Variants in KCNIP1 observed in about 807,000 individuals in gnomAD.
KCNIP1 encodes potassium voltage-gated channel interacting protein 1, also known as A-type potassium channel modulatory protein KCNIP1.
Under a neutral mutation model 33.0 loss-of-function variants are expected in KCNIP1, and 18 were observed. That is an observed-to-expected ratio of 0.55 (90% CI 0.38 to 0.81). KCNIP1 has a LOEUF of 0.81. Among genes scored for constraint, KCNIP1 ranks in the 30% least tolerant of loss-of-function variants. KCNIP1 has a pLI of 0.00. For synonymous variants in KCNIP1, 93 were observed against 98.3 expected (o/e 0.95, Z 0.32); for missense variants, 238 against 271.6 (o/e 0.88, Z 0.87).
intron 1 of KCNIP1, among the ~76,000 whole-genome samples, chr5:170,393,862 T>C (rs1417239099): frequency 6.6e-6 from 1 of 152,150 alleles, no homozygotes; most frequent in Non-Finnish European, 1.5e-5. Flanking sequence ...GTAAGCACCT[T>C]GAAAATCCTC....
chr5:170,608,563 G>A (rs956933933), intron 1 of KCNIP1, among the ~76,000 whole-genome samples: 2 of 152,162 alleles, frequency 1.3e-5, no homozygotes, highest in Admixed American at 1.3e-4. Flanking sequence ...TCTGAGGTCA[G>A]GAGTTTGAGA....
chr5:170,543,254 T>G (rs1479775482), intron 1 of KCNIP1, among the ~76,000 whole-genome samples: 1 of 152,160 alleles, frequency 6.6e-6, no homozygotes, highest in African/African-American at 2.4e-5. Flanking sequence ...TAAAAGAAAG[T>G]AGACACGGAC....
At chr5:170,490,172 T>C (rs974839676) in intron 1 of KCNIP1, among the ~76,000 whole-genome samples, 2 of 152,248 alleles carry the variant, frequency 1.3e-5, no homozygotes, top group Non-Finnish European at 2.9e-5. Context: ...TTAAACTCTC[T>C]GTTCATGCTC....
intron 1 of KCNIP1, among the ~76,000 whole-genome samples, chr5:170,455,235 T>C (rs555253373): frequency 1.4e-4 from 21 of 152,238 alleles, no homozygotes; most frequent in South Asian, 1.2e-3. Flanking sequence ...TGGATATCTA[T>C]AGAATAATCC....
At chr5:170,479,440 AT>A (rs1756926094) in intron 1 of KCNIP1, among the ~76,000 whole-genome samples, 3 of 152,228 alleles carry the variant, frequency 2.0e-5, no homozygotes, top group Non-Finnish European at 4.4e-5. Context: ...TCTTACAAGG[AT>A]AGAGAAAAGT....
At chr5:170,624,642 G>A (rs979868441) in intron 1 of KCNIP1, among the ~76,000 whole-genome samples, 3 of 151,008 alleles carry the variant, frequency 2.0e-5, no homozygotes, top group East Asian at 1.9e-4. Flanking sequence ...TCGCCTGCCC[G>A]TGAGCTCAGA....
chr5:170,688,355 A>G (rs1259348660), intron 1 of KCNIP1, among the ~76,000 whole-genome samples: 1 of 152,210 alleles, frequency 6.6e-6, no homozygotes, highest in African/African-American at 2.4e-5. Context: ...TGAAAGATTG[A>G]GCCAGAGTTG....
At chr5:170,410,060 C>T (rs963600440) in intron 1 of KCNIP1, among the ~76,000 whole-genome samples, 8 of 152,242 alleles carry the variant, frequency 5.3e-5, no homozygotes, top group African/African-American at 1.7e-4. Flanking sequence ...TTCTAAGATC[C>T]AGTGTAACTA....
At chr5:170,496,413 C>G (rs1757312160) in intron 1 of KCNIP1, among the ~76,000 whole-genome samples, 1 of 152,230 alleles carries the variant, frequency 6.6e-6, no homozygotes, top group Non-Finnish European at 1.5e-5. Flanking sequence ...TCAAGGCCAG[C>G]TCCACCATCT....
At chr5:170,584,396 C>T (rs1282988145) in intron 1 of KCNIP1, among the ~76,000 whole-genome samples, 1 of 152,070 alleles carries the variant, frequency 6.6e-6, no homozygotes, top group African/African-American at 2.4e-5. Context: ...TGTCGGGAGG[C>T]CAGGCTGGAC....
At chr5:170,634,504 G>C (rs969207518) in intron 1 of KCNIP1, among the ~76,000 whole-genome samples, 1 of 152,216 alleles carries the variant, frequency 6.6e-6, no homozygotes, top group East Asian at 1.9e-4. Context: ...TAGGCAACTG[G>C]ATGTTTGAGG....
At chr5:170,648,462 G>T (rs1419628452) in intron 1 of KCNIP1, among the ~76,000 whole-genome samples, 1 of 152,140 alleles carries the variant, frequency 6.6e-6, no homozygotes, top group African/African-American at 2.4e-5. Context: ...AAAGAAATGA[G>T]CTATCAAGCC....
At chr5:170,536,635 C>T (rs1581289800) in intron 1 of KCNIP1, among the ~76,000 whole-genome samples, 1 of 152,190 alleles carries the variant, frequency 6.6e-6, no homozygotes, top group Admixed American at 6.5e-5. Flanking sequence ...GGCTACAGTC[C>T]TCCCACTCTG....
chr5:170,670,937 T>C (rs1008457354), intron 1 of KCNIP1, among the ~76,000 whole-genome samples: 2 of 151,300 alleles, frequency 1.3e-5, no homozygotes, highest in Admixed American at 6.6e-5. Context: ...AGAGGACATC[T>C]GGAGCAGGCC....
chr5:170,378,580 G>A (rs773989505), intron 1 of KCNIP1: 60 of 1,008,752 alleles, frequency 5.9e-5, no homozygotes, highest in Middle Eastern at 2.9e-4. Context: ...AGAAGACAGC[G>A]TGGATTGGAC....
rs551311787 is a variant in KCNIP1, at chr5:170,699,469, A to G, written c.62-19289A>G. 5.3e-5 allele frequency among the ~76,000 whole-genome samples: 8 copies of G among 151,194 alleles called. No homozygotes were observed. The South Asian group carries it at 1.3e-3, about 24-fold the overall frequency. On this transcript the variant is annotated intron_variant, in intron 1 of 7. Transcript: ENST00000328939. ...TTATCACACCTCCTTTGCATGTTTA[A>G]TCTTCCCCCTTTTAATGACAACTAC...
chr5:170,500,746 G>A (rs1581246144), upstream of KCNIP1, among the ~76,000 whole-genome samples: 2 of 152,302 alleles, frequency 1.3e-5, no homozygotes, highest in East Asian at 1.9e-4. Context: ...GCGTATGTGT[G>A]TGTATTTATC....
At chr5:170,714,716 T>A (rs978288248) in intron 1 of KCNIP1, among the ~76,000 whole-genome samples, 15 of 152,098 alleles carry the variant, frequency 9.9e-5, no homozygotes, top group Non-Finnish European at 1.5e-4. Context: ...AAATAAAAAA[T>A]TTTTAAATAG....
rs144407479 is a variant in KCNIP1 at position 170,563,753 on chromosome 5, G to T, written c.61+59120G>T. Reference sequence around the variant, plus strand: ...CCTCCCAGGTTCAAACGATTCTCCTGCCTCAGCCTCCCAAGTAGCTTGGAT... The same window carrying T: ...CCTCCCAGGTTCAAACGATTCTCCTTCCTCAGCCTCCCAAGTAGCTTGGAT... On this transcript the variant is annotated intron_variant, in intron 1 of 7. Coordinates refer to ENST00000328939, the MANE Select transcript of KCNIP1 (RefSeq NM_014592.4). Among the ~76,000 whole-genome samples the T allele has an allele frequency of 3.8e-4, 58 of 152,246 alleles. No homozygotes were observed. The East Asian group carries it at 9.5e-3, about 25-fold the overall frequency.
Sources: gnomAD v4.1 joint callset for allele counts (sites outside exome capture counted in the v4.1 genomes callset) on GRCh38, gnomAD v4.1.1 for gene constraint, MANE v1.5 for transcripts, NCBI Gene and HGNC (gene_info 2026-07-23, HGNC 2026-07-21) for gene names.